PCMTD1: variants seen among roughly 807,000 people sequenced by gnomAD.
The protein encoded by PCMTD1 is protein-L-isoaspartate O-methyltransferase domain-containing protein 1.
PCMTD1 carries 12 observed loss-of-function variants against 37.6 expected under a neutral mutation model. The ratio of observed to expected loss-of-function variants is 0.32; its 90% confidence interval spans 0.20 to 0.52. The LOEUF is 0.52. PCMTD1 is among the 20% of genes least tolerant of loss of function. The pLI, the probability that PCMTD1 is intolerant of heterozygous loss-of-function variation, is 0.97. For synonymous variants in PCMTD1, 117 were observed against 135.8 expected, an observed-to-expected ratio of 0.86 and a Z score of 0.96; for missense variants, 235 against 421.3, an observed-to-expected ratio of 0.56 and a Z score of 3.87.
At chr8:51,848,551 G>A (rs893957519) in intron 2 of PCMTD1, among the ~76,000 whole-genome samples, 4 of 152,146 alleles carry the variant, frequency 2.6e-5, no homozygotes, top group African/African-American at 7.2e-5. Context: ...AGTTAAAGAC[G>A]CCACTGGTCT....
intron 5 of PCMTD1, among the ~76,000 whole-genome samples, chr8:51,825,356 C>T (rs915035622): frequency 3.3e-5 from 5 of 151,250 alleles, no homozygotes; most frequent in African/African-American, 4.8e-5. Context: ...AAAAAACAAC[C>T]CCATCAAAAA....
At chr8:51,833,790 AATT>A in intron 3 of PCMTD1, 101 bp from the exon 4 acceptor site, 1 of 747,232 alleles carries the variant, frequency 1.3e-6, no homozygotes, top group Non-Finnish European at 2.1e-6. Context: ...TACCCAAATT[AATT>A]ATAAGGATAA....
At chr8:51,874,224 G>A (rs2129290153) in intron 1 of PCMTD1, among the ~76,000 whole-genome samples, 1 of 152,294 alleles carries the variant, frequency 6.6e-6, no homozygotes, top group African/African-American at 2.4e-5. Context: ...TGTCATCAAT[G>A]ATTCCATGAG....
At chr8:51,821,275 G>A (rs1234161742) in intron 5 of PCMTD1, among the ~76,000 whole-genome samples, 1 of 152,116 alleles carries the variant, frequency 6.6e-6, no homozygotes, top group Non-Finnish European at 1.5e-5. Context: ...AAGTAGCTGG[G>A]ACATAAGCAC....
chr8:51,899,037 G>A, upstream of PCMTD1: 1 of 1,509,638 alleles, frequency 6.6e-7, no homozygotes, highest in East Asian at 2.6e-5. Context: ...ACCGCCGAGT[G>A]GAGAGGCGGG....
Position 51,891,692 on chromosome 8 carries a change from A to ATT in PCMTD1, c.-96+7237_-96+7238insAA, listed in dbSNP as rs2038938620. ...AAACAAAAAATATATATATACATATATATGTATATATATATATATAGCTTC... is the reference window on the plus strand; with the variant it reads ...AAACAAAAAATATATATATACATATATTTATGTATATATATATATATAGCTTC... On this transcript the variant is annotated intron_variant, in intron 1 of 5. Transcript: ENST00000522514. Among the ~76,000 whole-genome samples, 3 of 79,734 alleles carry ATT rather than the reference A, an allele frequency of 3.8e-5. No individual in the cohort carries two copies. In the South Asian group the frequency reaches 1.9e-3, roughly 50 times the overall value. The allele number at this position is 79,734 out of a possible 152,430, so 52.3% of individuals were successfully genotyped here.
At chr8:51,822,252 T>C (rs2037859531) in intron 5 of PCMTD1, among the ~76,000 whole-genome samples, 2 of 152,164 alleles carry the variant, frequency 1.3e-5, no homozygotes, top group South Asian at 4.1e-4. Flanking sequence ...ACTAGAAATA[T>C]GAACACACTC....
chr8:51,873,129 A>C (rs553134378), intron 1 of PCMTD1, among the ~76,000 whole-genome samples: 2 of 152,242 alleles, frequency 1.3e-5, no homozygotes, highest in Non-Finnish European at 2.9e-5. Flanking sequence ...AGTATTATCC[A>C]TAAGTTTTCA....
At chr8:51,895,230 T>C (rs1030029544) in intron 1 of PCMTD1, among the ~76,000 whole-genome samples, 5 of 151,462 alleles carry the variant, frequency 3.3e-5, no homozygotes, top group African/African-American at 1.2e-4. Context: ...GAAGGGAGAG[T>C]TGGAGATGCC....
intron 2 of PCMTD1, among the ~76,000 whole-genome samples, chr8:51,857,663 G>A (rs568417614): frequency 2.6e-4 from 40 of 152,090 alleles, no homozygotes; most frequent in Non-Finnish European, 5.3e-4. Context: ...CCTTAGTTCA[G>A]GGAAAATATT....
At chr8:51,869,251 G>A (rs763611058) in intron 1 of PCMTD1, among the ~76,000 whole-genome samples, 27 of 152,104 alleles carry the variant, frequency 1.8e-4, no homozygotes, top group Non-Finnish European at 2.5e-4. Context: ...AAAACCCAGT[G>A]TAGCATTAGG....
intron 1 of PCMTD1, among the ~76,000 whole-genome samples, chr8:51,898,653 G>T (rs998709): frequency 6.6e-6 from 1 of 150,836 alleles, no homozygotes; most frequent in African/African-American, 2.4e-5. Flanking sequence ...CGGCCCCAGG[G>T]ACCCCGGCTC....
intron 1 of PCMTD1, among the ~76,000 whole-genome samples, chr8:51,875,968 G>A (rs1453669423): frequency 1.4e-4 from 21 of 152,232 alleles, no homozygotes; most frequent in East Asian, 1.4e-3. Flanking sequence ...GTGTCTGTGT[G>A]TGTGTGTGTG....
chr8:51,868,933 C>T (rs1013471119), intron 1 of PCMTD1, among the ~76,000 whole-genome samples: 2 of 152,090 alleles, frequency 1.3e-5, no homozygotes, highest in Admixed American at 6.6e-5. Flanking sequence ...TTTTTTTAAA[C>T]ATATGACTGG....
At chr8:51,822,716 C>A (rs558057458) in intron 5 of PCMTD1, among the ~76,000 whole-genome samples, 1 of 152,250 alleles carries the variant, frequency 6.6e-6, no homozygotes, top group African/African-American at 2.4e-5. Flanking sequence ...GGGGCAAGGT[C>A]GGGGCTGGAG....
At chr8:51,855,571 A>C (rs1271770215) in intron 2 of PCMTD1, among the ~76,000 whole-genome samples, 1 of 66,020 alleles carries the variant, frequency 1.5e-5, no homozygotes, top group East Asian at 3.5e-4. Flanking sequence ...TTTTAAAAAA[A>C]AAGTGTAACA....
At chr8:51,888,766 G>A (rs1046319895) in intron 1 of PCMTD1, among the ~76,000 whole-genome samples, 1 of 152,160 alleles carries the variant, frequency 6.6e-6, no homozygotes, top group Non-Finnish European at 1.5e-5. Flanking sequence ...TAAAAACAAA[G>A]TAATGAAAGT....
At position 51,873,986 on chromosome 8, in the gene PCMTD1, C is replaced by T. The variant is rs561279822; in HGVS notation, c.-95-12740G>A. The stretch of plus-strand genomic sequence containing the variant: ...GGAGTGCAGTGGCGCAATCTCAGCT[C>T]ACTGCAAGCTCCGCCTCCCGGGTTC... On this transcript the variant is annotated intron_variant, in intron 1 of 5. Transcript: ENST00000522514. 4.4e-3 allele frequency among the ~76,000 whole-genome samples: 662 copies of T among 151,086 alleles called. 2 individuals carry two copies. The highest frequency in any genetic ancestry group is 7.6e-3 in the Non-Finnish European group (514 of 67,876).
At chr8:51,873,621 G>C (rs1441844039) in intron 1 of PCMTD1, among the ~76,000 whole-genome samples, 1 of 152,084 alleles carries the variant, frequency 6.6e-6, no homozygotes, top group Non-Finnish European at 1.5e-5. Context: ...TCGTGGAAGT[G>C]GATCTCTCCT....
Sources: allele counts gnomAD v4.1 joint callset (sites outside exome capture counted in the v4.1 genomes callset), GRCh38; gene constraint gnomAD v4.1.1; transcripts MANE v1.5; gene names NCBI Gene and HGNC (gene_info 2026-07-23, HGNC 2026-07-21).